Variants in SENP1 observed in about 807,000 individuals in gnomAD.
SENP1 encodes sentrin-specific protease 1.
SENP1 carries 21 observed loss-of-function variants against 93.0 expected under a neutral mutation model. The ratio of observed to expected loss-of-function variants is 0.23; its 90% CI spans 0.16 to 0.33. The LOEUF is 0.33. SENP1 is among the 10% of genes least tolerant of loss of function. The probability of loss-of-function intolerance (pLI) is 1.00; values close to 1 mark genes in which losing one functional copy is unlikely to be tolerated. For synonymous variants in SENP1, 256 were observed against 259.6 expected (o/e 0.99, Z 0.13); for missense variants, 591 against 758.7 (o/e 0.78, Z 2.60).
At chr12:48,051,001 G>T (rs1336648933) in intron 13 of SENP1, among the ~76,000 whole-genome samples, 1 of 151,830 alleles carries the variant, frequency 6.6e-6, no homozygotes, top group Non-Finnish European at 1.5e-5. Flanking sequence ...AGATAAGGAC[G>T]GTGAAGCACA....
At chr12:48,099,371 A>G (rs569295773) in intron 2 of SENP1, among the ~76,000 whole-genome samples, 11 of 152,188 alleles carry the variant, frequency 7.2e-5, no homozygotes, top group Admixed American at 5.2e-4. Flanking sequence ...CAAACAAAAA[A>G]CAAAAATGCT....
At chr12:48,105,804 G>A in intron 1 of SENP1, 1 of 591,686 alleles carries the variant, frequency 1.7e-6, no homozygotes, top group Non-Finnish European at 3.0e-6. Flanking sequence ...AGAAGGAACG[G>A]CCTCAGGTAG....
chr12:48,074,884 C>A (rs765049886), intron 6 of SENP1, 91 bp from the exon 7 acceptor site: 10 of 829,026 alleles, frequency 1.2e-5, no homozygotes, highest in Non-Finnish European at 1.9e-5. Context: ...CCTAGCTCTG[C>A]CAAAGCTCAG....
At chr12:48,061,697 T>A (rs1423241591) in intron 13 of SENP1, among the ~76,000 whole-genome samples, 1 of 152,220 alleles carries the variant, frequency 6.6e-6, no homozygotes, top group African/African-American at 2.4e-5. Flanking sequence ...CATGACCCAC[T>A]GTGTCTGGCC....
intron 5 of SENP1, among the ~76,000 whole-genome samples, chr12:48,084,378 G>A (rs1944688093): frequency 6.6e-6 from 1 of 151,198 alleles, no homozygotes; most frequent in African/African-American, 2.4e-5. Flanking sequence ...GGGAAAAATT[G>A]GCAAATTGGC....
chr12:48,070,328 C>A (rs1943601883), intron 9 of SENP1, among the ~76,000 whole-genome samples: 1 of 152,246 alleles, frequency 6.6e-6, no homozygotes, highest in Non-Finnish European at 1.5e-5. Context: ...TTATCAGAGA[C>A]TTTCCATGAC....
intron 13 of SENP1, among the ~76,000 whole-genome samples, chr12:48,050,503 G>T (rs1056210758): frequency 2.0e-5 from 3 of 152,234 alleles, no homozygotes; most frequent in African/African-American, 7.2e-5. Context: ...GCTGATGACT[G>T]AGCAACAGGC....
intron 2 of SENP1, among the ~76,000 whole-genome samples, chr12:48,100,792 T>A (rs1041626306): frequency 6.6e-6 from 1 of 152,208 alleles, no homozygotes; most frequent in East Asian, 1.9e-4. Context: ...ATAATAGGGA[T>A]AACAACAGTA....
intron 13 of SENP1, chr12:48,055,574 T>C (rs1367337983): frequency 3.9e-5 from 6 of 152,036 alleles, no homozygotes; most frequent in Non-Finnish European, 8.8e-5. Context: ...TGCCTTTTAA[T>C]TGGATGTTTA....
Position 48,074,450 on chromosome 12 carries a change from G to C in SENP1, c.814C>G (p.Leu272Val). Reference protein sequence around the residue: ...QEQLSHSVYSLSSYTPDVAFG... With the variant: ...QEQLSHSVYSVSSYTPDVAFG... ...GCAACATCTGGGGTATAAGAAGATAGGGAATATACACTGTGGGACAGCTGT... is the reference window on the plus strand; with the variant it reads ...GCAACATCTGGGGTATAAGAAGATACGGAATATACACTGTGGGACAGCTGT... The change falls in exon 8 of 18, where the codon CTA becomes GTA. Residue 272 changes from leucine to valine, a missense_variant. Transcript: ENST00000549518. 6.2e-7 allele frequency: 1 copy of C among 1,613,900 alleles called. No homozygotes were observed. Among genetic ancestry groups the C allele is most frequent in the South Asian group, 1.1e-5 (1 of 91,074 alleles).
At chr12:48,061,198 C>T (rs1410180322) in intron 13 of SENP1, among the ~76,000 whole-genome samples, 1 of 152,058 alleles carries the variant, frequency 6.6e-6, no homozygotes, top group African/African-American at 2.4e-5. Context: ...TGAAAGCCTA[C>T]AAAGTATGGT....
At chr12:48,103,154 C>G (rs1019318427) in intron 1 of SENP1, among the ~76,000 whole-genome samples, 1 of 152,102 alleles carries the variant, frequency 6.6e-6, no homozygotes, top group African/African-American at 2.4e-5. Context: ...AGAAGAATGC[C>G]AACTTAAAAG....
chr12:48,080,385 TA>T (rs914628478), intron 6 of SENP1: 10 of 152,390 alleles, frequency 6.6e-5, no homozygotes, highest in African/African-American at 1.9e-4. Context: ...GCACAGCCAC[TA>T]CTTGCATATT....
intron 6 of SENP1, among the ~76,000 whole-genome samples, chr12:48,076,924 C>T (rs1030136906): frequency 1.3e-5 from 2 of 152,156 alleles, no homozygotes; most frequent in Admixed American, 6.5e-5. Flanking sequence ...GGATTAAAGG[C>T]GTGAGCCACG....
intron 5 of SENP1, chr12:48,084,972 T>G: frequency 4.7e-6 from 3 of 638,970 alleles, no homozygotes; most frequent in Admixed American, 3.1e-5. Flanking sequence ...ATAATTCTCT[T>G]TAAGTCTTCT....
chr12:48,101,392 G>A (rs1184901485), intron 2 of SENP1, 77 bp downstream of exon 2: 2 of 1,120,092 alleles, frequency 1.8e-6, no homozygotes, highest in Non-Finnish European at 2.6e-6. Flanking sequence ...TACTGAAAAT[G>A]TTAGGAAAAC....
intron 13 of SENP1, among the ~76,000 whole-genome samples, chr12:48,058,679 T>G (rs1024510774): frequency 6.6e-6 from 1 of 152,188 alleles, no homozygotes; most frequent in African/African-American, 2.4e-5. Flanking sequence ...TCCCACAGTA[T>G]GTTGTTTTAG....
chr12:48,045,044 C>G lies in SENP1; in HGVS notation c.*278G>C, dbSNP rs1334627316. On this transcript the variant is annotated 3_prime_UTR_variant, in exon 18 of 18. Coordinates refer to ENST00000549518, the MANE Select transcript of SENP1 (RefSeq NM_001267594.2). ...GAGTGAGGCTGGAGCCCTTTGAAAACAAGATGGCAGAACTGAAGAAGTGAA... is the reference window on the plus strand; with the variant it reads ...GAGTGAGGCTGGAGCCCTTTGAAAAGAAGATGGCAGAACTGAAGAAGTGAA... 1 of 421,514 alleles carries G rather than the reference C, an allele frequency of 2.4e-6. No homozygotes were observed. Among genetic ancestry groups the G allele is most frequent in the African/African-American group, 1.9e-5 (1 of 51,322 alleles). 26.1% of individuals were successfully genotyped at this position (421,514 alleles called of 1,614,324 possible). A position where few individuals can be genotyped will look rare whatever the true frequency, so the allele number is the denominator to read the frequency against.
intron 6 of SENP1, among the ~76,000 whole-genome samples, chr12:48,076,643 CT>C (rs1000682233): frequency 7.7e-5 from 9 of 117,576 alleles, no homozygotes; most frequent in Admixed American, 8.3e-5. Flanking sequence ...GTAGTTTTTG[CT>C]TTTTTTTTTT....
Sources: allele counts gnomAD v4.1 joint callset (sites outside exome capture counted in the v4.1 genomes callset), GRCh38; gene constraint gnomAD v4.1.1; transcripts MANE v1.5; gene names NCBI Gene and HGNC (gene_info 2026-07-23, HGNC 2026-07-21).